CLVS1: variants seen among roughly 807,000 people sequenced by gnomAD.
CLVS1 encodes clavesin-1.
Under a neutral mutation model 33.1 loss-of-function variants are expected in CLVS1, and 10 were observed. The ratio of observed to expected loss-of-function variants is 0.30; its 90% CI spans 0.19 to 0.51. The LOEUF (loss-of-function observed/expected upper bound fraction) is 0.51, where lower values mean the gene tolerates loss of function less well. CLVS1 is among the 20% of genes least tolerant of loss of function. The pLI is 0.97. For synonymous variants in CLVS1, 163 were observed against 166.1 expected (o/e 0.98, Z 0.14); for missense variants, 343 against 433.4 (o/e 0.79, Z 1.85).
intron 3 of CLVS1, among the ~76,000 whole-genome samples, chr8:61,428,041 T>C (rs1191525834): frequency 2.0e-5 from 3 of 152,232 alleles, no homozygotes; most frequent in Non-Finnish European, 4.4e-5. Flanking sequence ...ATTGGAGTGT[T>C]ACCCTGATAG....
At chr8:61,095,050 G>C (rs1805323004) in intron 1 of CLVS1, among the ~76,000 whole-genome samples, 1 of 152,104 alleles carries the variant, frequency 6.6e-6, no homozygotes, top group African/African-American at 2.4e-5. Context: ...TTAGGCATTA[G>C]TTAATATTTG....
At chr8:61,300,506 T>G (rs1376479070) in intron 2 of CLVS1, 1 of 447,150 alleles carries the variant, frequency 2.2e-6, no homozygotes, top group Non-Finnish European at 3.9e-6. Flanking sequence ...AAGTCATTAT[T>G]CTTTTCATCA....
chr8:61,036,867 C>G, the CLVS1 span, among the ~76,000 whole-genome samples: 50 of 152,214 alleles, frequency 3.3e-4, no homozygotes, highest in African/African-American at 1.1e-3. Flanking sequence ...GCTTATCATT[C>G]TGCCTTTCTT....
chr8:61,255,784 GA>G (rs36110981), intron 2 of CLVS1, among the ~76,000 whole-genome samples: 1 of 151,554 alleles, frequency 6.6e-6, no homozygotes, highest in South Asian at 2.1e-4. Flanking sequence ...TCTGAAACTT[GA>G]ACCTACTATA....
the CLVS1 span, among the ~76,000 whole-genome samples, chr8:60,970,743 G>A: frequency 6.6e-6 from 1 of 152,112 alleles, no homozygotes; most frequent in Non-Finnish European, 1.5e-5. Context: ...GAACTTTCAT[G>A]ATGATGTGAC....
At chr8:61,319,291 C>T (rs1244756964) in intron 2 of CLVS1, among the ~76,000 whole-genome samples, 1 of 152,144 alleles carries the variant, frequency 6.6e-6, no homozygotes, top group Non-Finnish European at 1.5e-5. Flanking sequence ...TTTTATATTG[C>T]TTCCTTATGC....
At chr8:61,497,058 T>C (rs779815994) in intron 5 of CLVS1, among the ~76,000 whole-genome samples, 5 of 152,212 alleles carry the variant, frequency 3.3e-5, no homozygotes, top group Non-Finnish European at 7.3e-5. Context: ...TAAGCTAATA[T>C]AGGTCAAGAA....
intron 2 of CLVS1, among the ~76,000 whole-genome samples, chr8:61,179,987 A>G (rs932144143): frequency 2.6e-5 from 4 of 152,208 alleles, no homozygotes; most frequent in Admixed American, 2.6e-4. Context: ...AATAACTAAG[A>G]TCAAAGCAGT....
At chr8:61,263,559 G>T (rs1262588924) in intron 2 of CLVS1, among the ~76,000 whole-genome samples, 1 of 152,098 alleles carries the variant, frequency 6.6e-6, no homozygotes, top group African/African-American at 2.4e-5. Context: ...TCAACCTTTA[G>T]ACATTTTGGC....
intron 2 of CLVS1, among the ~76,000 whole-genome samples, chr8:61,178,587 C>T (rs1294249058): frequency 6.6e-6 from 1 of 152,108 alleles, no homozygotes; most frequent in Non-Finnish European, 1.5e-5. Context: ...ATGTTAAGGG[C>T]AGCCCGAGAG....
At chr8:61,472,214 G>A (rs1001671744) in intron 5 of CLVS1, among the ~76,000 whole-genome samples, 26 of 152,198 alleles carry the variant, frequency 1.7e-4, no homozygotes, top group African/African-American at 5.6e-4. Flanking sequence ...GTTTACCTAT[G>A]TATTATATCT....
intron 1 of CLVS1, among the ~76,000 whole-genome samples, chr8:61,059,481 T>C (rs576428007): frequency 1.2e-5 from 1 of 86,714 alleles, no homozygotes; most frequent in Admixed American, 1.2e-4. Flanking sequence ...CATACATATA[T>C]ATATATATAT....
chr8:61,123,961 C>G (rs1382975704), intron 1 of CLVS1, among the ~76,000 whole-genome samples: 1 of 152,178 alleles, frequency 6.6e-6, no homozygotes. Context: ...GACAGGACTT[C>G]AGTTTGATTC....
upstream of CLVS1, among the ~76,000 whole-genome samples, chr8:61,286,563 T>A (rs1809785713): frequency 6.6e-6 from 1 of 152,234 alleles, no homozygotes. Context: ...CAGGCATACT[T>A]GTAAGTGCTT....
the CLVS1 span, among the ~76,000 whole-genome samples, chr8:61,010,773 C>G: frequency 2.0e-5 from 3 of 152,232 alleles, no homozygotes; most frequent in African/African-American, 7.2e-5. Context: ...GCTGGCCTGC[C>G]TGCATACTGC....
At chr8:61,359,594 G>A (rs531531149) in intron 2 of CLVS1, among the ~76,000 whole-genome samples, 2 of 152,260 alleles carry the variant, frequency 1.3e-5, no homozygotes, top group East Asian at 3.9e-4. Context: ...GGCCTTGGGT[G>A]ATCCACCTGC....
intron 1 of CLVS1, among the ~76,000 whole-genome samples, chr8:61,124,239 CGAA>C (rs894485989): frequency 6.6e-6 from 1 of 152,040 alleles, no homozygotes; most frequent in African/African-American, 2.4e-5. Context: ...AACCACGAGT[CGAA>C]TTAAAGCGAG....
chr8:61,382,248 C>T (rs539673175), intron 3 of CLVS1, among the ~76,000 whole-genome samples: 54 of 152,284 alleles, frequency 3.5e-4, no homozygotes, highest in African/African-American at 1.3e-3. Context: ...AGATGCATTT[C>T]AAGTTAGCAA....
intron 2 of CLVS1, among the ~76,000 whole-genome samples, chr8:61,250,823 G>A (rs947934745): frequency 1.3e-5 from 2 of 152,128 alleles, no homozygotes; most frequent in African/African-American, 2.4e-5. Context: ...GGGCTGAGAG[G>A]ATGGGGTTTT....
Sources: gnomAD v4.1 joint callset for allele counts (sites outside exome capture counted in the v4.1 genomes callset) on GRCh38, gnomAD v4.1.1 for gene constraint, MANE v1.5 for transcripts, NCBI Gene and HGNC (gene_info 2026-07-23, HGNC 2026-07-21) for gene names.